MYO18B: variants seen among roughly 807,000 people sequenced by gnomAD.
MYO18B encodes the protein unconventional myosin-XVIIIb.
Under a neutral mutation model 273.0 loss-of-function variants are expected in MYO18B, and 204 were observed. The observed-to-expected ratio is 0.75, with a 90% CI of 0.67 to 0.84. The LOEUF is 0.84. Ranked by LOEUF, MYO18B falls within the 40% of genes least tolerant of loss-of-function variation. MYO18B has a pLI of 0.00. For synonymous variants in MYO18B, 1,330 were observed against 1,305.7 expected (o/e 1.02, Z -0.40); for missense variants, 3,212 against 3,287.6 (o/e 0.98, Z 0.56).
In MYO18B at chr22:25,937,523, C is replaced by G. The variant is rs1196934401; in HGVS notation, c.5518-8614C>G. Among the ~76,000 whole-genome samples the G allele has an allele frequency of 3.9e-5, 6 of 152,130 alleles. No homozygotes were observed. In the South Asian group the frequency reaches 1.2e-3, roughly 32 times the overall value. On this transcript the variant is annotated intron_variant, in intron 34 of 43. Coordinates refer to ENST00000335473, the MANE Select transcript of MYO18B (RefSeq NM_032608.7). ...CCACACTGTCTTAAGATATTCTCCCCCATGGCCACTGTCATCAGACTTCTG... is the reference window on the plus strand; with the variant it reads ...CCACACTGTCTTAAGATATTCTCCCGCATGGCCACTGTCATCAGACTTCTG...
intron 39 of MYO18B, among the ~76,000 whole-genome samples, chr22:25,962,114 T>C (rs1482386483): frequency 3.3e-5 from 5 of 152,198 alleles, no homozygotes; most frequent in Non-Finnish European, 5.9e-5. Context: ...CAGGTATTCC[T>C]TTATAGCAAC....
At chr22:25,781,904 A>AGCCTT in intron 10 of MYO18B, 70 bp downstream of exon 10, 3 of 1,102,520 alleles carry the variant, frequency 2.7e-6, no homozygotes, top group Non-Finnish European at 3.7e-6. Context: ...TTGGGGGCCC[A>AGCCTT]GCCTTAGCTT....
chr22:25,847,614 G>C lies in MYO18B; in HGVS notation c.3737G>C (p.Gly1246Ala), dbSNP rs1364416874. 2.6e-6 allele frequency: 4 copies of C among 1,563,292 alleles called. No homozygotes were observed. Among genetic ancestry groups the C allele is most frequent in the Non-Finnish European group, 3.5e-6 (4 of 1,154,134 alleles). Residue 1246 changes from glycine (G) to alanine (A), a missense_variant, in exon 20 of 44, where the codon GGG (glycine) becomes GCG (alanine). Physicochemically the swap from Gly to Ala is moderately conservative, Grantham distance 60 (BLOSUM62 0). Transcript: ENST00000335473. ...DIPALRVQLA[G>A]FHILEALRLH... ...CCAGCACTGAGGGTCCAGCTTGCTGGGTTCCACATCCTGGAGGCTCTGCGT... is the reference window on the plus strand; with the variant it reads ...CCAGCACTGAGGGTCCAGCTTGCTGCGTTCCACATCCTGGAGGCTCTGCGT...
At position 25,952,387 on chromosome 22, in the gene MYO18B, G is replaced by T. The variant is rs771083862; in HGVS notation, c.5934G>T (p.Lys1978Asn). The change falls in exon 38 of 44, where the codon AAG becomes AAT. Residue 1978 changes from lysine (K) to asparagine (N), a missense_variant. Lys to Asn is a moderately conservative substitution (Grantham distance 94). Transcript: ENST00000335473. ...QEAVICDLEN[K>N]TEFQKVQIKR... ...CGGTCATCTGTGACCTAGAGAACAA[G>T]ACAGAGTTCCAGAAGGTGCAGATTA... The T allele has an allele frequency of 6.2e-7, 1 of 1,613,112 alleles. No homozygotes were observed. Among genetic ancestry groups the T allele is most frequent in the Non-Finnish European group, 8.5e-7 (1 of 1,179,636 alleles).
At position 25,789,416 on chromosome 22, in the gene MYO18B, A is replaced by G. The variant is rs1342832464; in HGVS notation, c.2376+3925A>G. On this transcript the variant is annotated intron_variant, in intron 11 of 43. Coordinates refer to ENST00000335473, the MANE Select transcript of MYO18B (RefSeq NM_032608.7). ...GTTGGGAGGCTGAGGCGGGCGGATC[A>G]CCTGAGGTCAGGAGTTCGAGACCAG... is the stretch of plus-strand genomic sequence containing the variant. Among the ~76,000 whole-genome samples, 3 of 151,862 alleles carry G rather than the reference A, an allele frequency of 2.0e-5. No individual in the cohort carries two copies. In the East Asian group the frequency reaches 5.8e-4, roughly 29 times the overall value.
intron 11 of MYO18B, among the ~76,000 whole-genome samples, chr22:25,794,298 G>A (rs1198732896): frequency 6.6e-6 from 1 of 150,812 alleles, no homozygotes; most frequent in East Asian, 2.0e-4. Flanking sequence ...CCTTGATTTC[G>A]TAGGCTCAAG....
At chr22:25,924,602 C>CG (rs778334095) in intron 34 of MYO18B, among the ~76,000 whole-genome samples, 9 of 152,268 alleles carry the variant, frequency 5.9e-5, no homozygotes, top group Non-Finnish European at 1.2e-4. Context: ...CTAAAATACC[C>CG]TGGGAGAAGG....
chr22:25,926,920 T>C (rs979100803), intron 34 of MYO18B, among the ~76,000 whole-genome samples: 5 of 152,230 alleles, frequency 3.3e-5, no homozygotes, highest in Non-Finnish European at 7.3e-5. Flanking sequence ...AATACTTTTA[T>C]AATTTCTTAT....
At chr22:25,920,779 A>G (rs1311409686) in intron 33 of MYO18B, among the ~76,000 whole-genome samples, 2 of 152,208 alleles carry the variant, frequency 1.3e-5, no homozygotes, top group Non-Finnish European at 2.9e-5. Context: ...CAATAACATT[A>G]ATAACTCTCC....
At chr22:25,826,325 A>T (rs2089487941) in intron 13 of MYO18B, 84 bp from the exon 14 acceptor site, 1 of 919,604 alleles carries the variant, frequency 1.1e-6, no homozygotes, top group African/African-American at 1.7e-5. Context: ...TTCTAAATTG[A>T]GTGGTCCCTA....
intron 34 of MYO18B, among the ~76,000 whole-genome samples, chr22:25,929,231 T>G (rs2092464704): frequency 6.6e-6 from 1 of 151,936 alleles, no homozygotes; most frequent in Admixed American, 6.6e-5. Context: ...CTCCTTTCAT[T>G]CACCGGTGTC....
At chr22:25,819,560 G>A (rs1018526329) in intron 12 of MYO18B, among the ~76,000 whole-genome samples, 1 of 152,166 alleles carries the variant, frequency 6.6e-6, no homozygotes, top group Admixed American at 6.5e-5. Context: ...AGGCTCACAG[G>A]TAACAGTATT....
At chr22:25,813,852 T>C (rs78373009) in intron 12 of MYO18B, among the ~76,000 whole-genome samples, 7,121 of 152,190 alleles carry the variant, frequency 0.047, 391 homozygotes, top group African/African-American at 0.12. Flanking sequence ...TCTGCCCCAT[T>C]CTGCCCAAAT....
intron 1 of MYO18B, among the ~76,000 whole-genome samples, chr22:25,751,783 C>T (rs2085936779): frequency 2.0e-5 from 3 of 152,156 alleles, no homozygotes; most frequent in Admixed American, 1.3e-4. Context: ...GGATCTATAT[C>T]GGTGCTTGGC....
intron 28 of MYO18B, chr22:25,896,754 C>T (rs536556018): frequency 6.6e-6 from 1 of 152,108 alleles, no homozygotes; most frequent in Non-Finnish European, 1.5e-5. Flanking sequence ...AAATGGCTCC[C>T]TGGAAAAAAA....
chr22:25,772,533 AGGGCTGAG>A (rs2086759915), intron 7 of MYO18B, 23 bp downstream of exon 7: 3 of 1,606,734 alleles, frequency 1.9e-6, no homozygotes, highest in East Asian at 2.2e-5. Flanking sequence ...CATTGTGGGC[AGGGCTGAG>A]GGGCTGAGGG....
At chr22:25,790,695 G>A (rs753746203) in intron 11 of MYO18B, among the ~76,000 whole-genome samples, 14 of 152,164 alleles carry the variant, frequency 9.2e-5, no homozygotes, top group Non-Finnish European at 1.5e-4. Context: ...TTCAATTTTC[G>A]AATCGTTTGC....
At chr22:25,982,747 A>G (rs1442994023) in intron 39 of MYO18B, among the ~76,000 whole-genome samples, 3 of 152,128 alleles carry the variant, frequency 2.0e-5, no homozygotes, top group Non-Finnish European at 4.4e-5. Context: ...CTACCTGGAG[A>G]ATCCAGGACA....
intron 7 of MYO18B, among the ~76,000 whole-genome samples, chr22:25,774,965 G>A (rs1023921853): frequency 2.0e-4 from 30 of 152,368 alleles, no homozygotes; most frequent in African/African-American, 6.7e-4. Flanking sequence ...CTGTGCATGC[G>A]TGCAAGGGCA....
Sources: gnomAD v4.1 joint callset for allele counts (sites outside exome capture counted in the v4.1 genomes callset) on GRCh38, gnomAD v4.1.1 for gene constraint, MANE v1.5 for transcripts, NCBI Gene and HGNC (gene_info 2026-07-23, HGNC 2026-07-21) for gene names.